The following NARS1 variants were observed in gnomAD, a reference collection of about 807,000 sequenced individuals.
NARS1 encodes the protein asparagine--tRNA ligase, cytoplasmic.
A neutral mutation model predicts 79.2 loss-of-function variants in NARS1; 65 were observed. The ratio of observed to expected loss-of-function variants is 0.82; its 90% confidence interval spans 0.67 to 1.01. The LOEUF is 1.01. Ranked by LOEUF, NARS1 falls within the 50% of genes least tolerant of loss-of-function variation. The pLI is 0.00. For synonymous variants in NARS1, 229 were observed against 238.8 expected, an observed-to-expected ratio of 0.96 and a Z score of 0.38; for missense variants, 649 against 673.8, an observed-to-expected ratio of 0.96 and a Z score of 0.41.
At position 57,601,767 on chromosome 18, in the gene NARS1, C is replaced by T; in HGVS notation, c.1532G>A (p.Cys511Tyr). 1.2e-6 allele frequency: 2 copies of T among 1,613,240 alleles called. No homozygotes were observed. Among genetic ancestry groups the T allele is most frequent in the Non-Finnish European group, 1.7e-6 (2 of 1,179,318 alleles). ...GCCCAAGCCATATCCTCCATGGGGACATGTACCGTATTTTCTCTGTTTAAA... is the reference window on the plus strand; with the variant it reads ...GCCCAAGCCATATCCTCCATGGGGATATGTACCGTATTTTCTCTGTTTAAA... ...WYTDQRKYGTCPHGGYGLGLE... is the reference protein window; with the variant it reads ...WYTDQRKYGTYPHGGYGLGLE... The change falls in exon 14 of 14, where the codon TGT becomes TAT. Residue 511 changes from cysteine (C) to tyrosine (Y), a missense_variant. Coordinates refer to ENST00000256854, the MANE Select transcript of NARS1 (RefSeq NM_004539.4).
At chr18:57,608,620 A>G (rs558520361) in intron 7 of NARS1, among the ~76,000 whole-genome samples, 6 of 152,302 alleles carry the variant, frequency 3.9e-5, no homozygotes, top group African/African-American at 1.4e-4. Context: ...TAAGGCTGGA[A>G]ATCATTGTAT....
chr18:57,608,378 G>T (rs1211766868), intron 7 of NARS1, among the ~76,000 whole-genome samples: 22 of 145,498 alleles, frequency 1.5e-4, no homozygotes, highest in African/African-American at 5.4e-4. Flanking sequence ...CAGAGGTTGT[G>T]GTGAGTGGAG....
Position 57,607,137 on chromosome 18 carries a change from G to C in NARS1, c.998C>G (p.Ala333Gly), listed in dbSNP as rs2051564763. 6.2e-7 allele frequency: 1 copy of C among 1,611,682 alleles called. No homozygotes were observed. The highest frequency in any genetic ancestry group is 8.5e-7 in the Non-Finnish European group (1 of 1,178,568). ...AEQSRTRRHL[A>G]EYTHVEAECP... The stretch of plus-strand genomic sequence containing the variant: ...AAACAAAAAGACAACTTCATACTCA[G>C]CCAGGTGCCTTCGTGTTCTGGACTG... The change falls in exon 9 of 14, where the codon GCT (alanine) becomes GGT (glycine). Residue 333 changes from alanine to glycine, a missense_variant. By Grantham distance (60) the Ala-to-Gly change is moderately conservative. Transcript: ENST00000256854.
chr18:57,604,118 G>A (rs1328605067), intron 11 of NARS1, among the ~76,000 whole-genome samples: 1 of 152,242 alleles, frequency 6.6e-6, no homozygotes, highest in Non-Finnish European at 1.5e-5. Context: ...AAGAAAAGAG[G>A]TGGGAGCTAA....
At position 57,612,334 on chromosome 18, in the gene NARS1, T is replaced by C. The variant is rs930325820; in HGVS notation, c.422-627A>G. On this transcript the variant is annotated intron_variant, in intron 5 of 13. Coordinates refer to ENST00000256854, the MANE Select transcript of NARS1 (RefSeq NM_004539.4). ...TGGGGTAGTACTGTGCACTCGGTGA[T>C]ACATAAATGTTCTTGAACAAAATCA... Among the ~76,000 whole-genome samples, 5 of 152,360 alleles carry C rather than the reference T, an allele frequency of 3.3e-5. No individual in the cohort carries two copies. In the South Asian group the frequency reaches 8.3e-4, roughly 25 times the overall value.
intron 5 of NARS1, among the ~76,000 whole-genome samples, chr18:57,613,071 C>A (rs2051617645): frequency 6.6e-6 from 1 of 152,002 alleles, no homozygotes. Flanking sequence ...TAAACAAGAA[C>A]AAATTTAAGA....
In NARS1 at chr18:57,601,493, G is replaced by T; in HGVS notation, c.*159C>A. Reference sequence around the variant, plus strand: ...TAAGATGACAACCTTAATATCACTTGATGTTCAGGTGATTTGAGATAGTTT... The same window carrying T: ...TAAGATGACAACCTTAATATCACTTTATGTTCAGGTGATTTGAGATAGTTT... On this transcript the variant is annotated 3_prime_UTR_variant, in exon 14 of 14. Coordinates refer to ENST00000256854, the MANE Select transcript of NARS1 (RefSeq NM_004539.4). The T allele has an allele frequency of 1.5e-6, 1 of 668,134 alleles. No homozygotes were observed. Among genetic ancestry groups the T allele is most frequent in the Non-Finnish European group, 2.3e-6 (1 of 436,234 alleles). 41.4% of individuals were successfully genotyped at this position (668,134 alleles called of 1,614,324 possible). A position where few individuals can be genotyped will look rare whatever the true frequency, so the allele number is the denominator to read the frequency against.
At chr18:57,605,254 C>A (rs1240050329) in intron 11 of NARS1, among the ~76,000 whole-genome samples, 1 of 151,580 alleles carries the variant, frequency 6.6e-6, no homozygotes, top group Non-Finnish European at 1.5e-5. Flanking sequence ...TAAGCTGTGG[C>A]CAAGGAAGAA....
chr18:57,605,434 C>T (rs1289101544), intron 11 of NARS1, among the ~76,000 whole-genome samples: 1 of 151,388 alleles, frequency 6.6e-6, no homozygotes, highest in African/African-American at 2.4e-5. Context: ...TGGTGAAACC[C>T]TGTCTCTACT....
intron 13 of NARS1, 135 bp downstream of exon 13, chr18:57,602,220 T>C: frequency 1.2e-6 from 1 of 811,292 alleles, no homozygotes; most frequent in Non-Finnish European, 1.9e-6. Flanking sequence ...ACACACCACA[T>C]TATAACCTGC....
At chr18:57,611,794 A>C in intron 5 of NARS1, 87 bp from the exon 6 acceptor site, 57 of 650,844 alleles carry the variant, frequency 8.8e-5, no homozygotes, top group Non-Finnish European at 1.2e-4. Context: ...ATAGGGTCTC[A>C]CTTCGTCACC....
chr18:57,621,764 G>C lies in NARS1; in HGVS notation c.-47C>G. 3.7e-6 allele frequency: 6 copies of C among 1,613,594 alleles called. No homozygotes were observed. Among genetic ancestry groups the C allele is most frequent in the Non-Finnish European group, 5.1e-6 (6 of 1,179,946 alleles). The stretch of plus-strand genomic sequence containing the variant: ...CTCCAAGGACACAGACTGCAACACC[G>C]ACGCCGTCTTATGACTCCAACGTGC... On this transcript the variant is annotated 5_prime_UTR_variant, in exon 1 of 14. Transcript: ENST00000256854.
At chr18:57,608,109 G>A (rs1453481217) in intron 7 of NARS1, among the ~76,000 whole-genome samples, 3 of 151,332 alleles carry the variant, frequency 2.0e-5, no homozygotes, top group Non-Finnish European at 2.9e-5. Flanking sequence ...CTCGTGATCC[G>A]CCCGCCTCGG....
chr18:57,620,745 G>C (rs1332693977), intron 1 of NARS1, 94 bp from the exon 2 acceptor site: 1 of 662,408 alleles, frequency 1.5e-6, no homozygotes, highest in East Asian at 2.8e-5. Flanking sequence ...AACAGAACAA[G>C]CATCGATTAA....
intron 1 of NARS1, 135 bp downstream of exon 1, chr18:57,621,573 C>CCCCCCCG: frequency 1.9e-6 from 1 of 528,470 alleles, no homozygotes; most frequent in Non-Finnish European, 3.6e-6. Context: ...TCCCTCCCTC[C>CCCCCCCG]CTCCCTGCAA....
rs1435166830 is a variant in NARS1 at position 57,607,487 on chromosome 18, G to A, written c.758C>T (p.Thr253Ile). 2 of 1,614,166 alleles carry A rather than the reference G, an allele frequency of 1.2e-6. No homozygotes were observed. Among genetic ancestry groups the A allele is most frequent in the South Asian group, 2.2e-5 (2 of 91,084 alleles). Residue 253 changes from threonine (T) to isoleucine (I), a missense_variant, in exon 8 of 14, where the codon ACC becomes ATC. By Grantham distance (89) the Thr-to-Ile change is moderately conservative. Coordinates refer to ENST00000256854, the MANE Select transcript of NARS1 (RefSeq NM_004539.4). ...AAAGAAGTGATCTCTAAAGCACCTG[G>A]TGACCATGGATCGTGCTTTTAGGAT... ...SKILKARSMV[T>I]RCFRDHFFDR...
In NARS1 at chr18:57,621,730, C is replaced by T. The variant is rs750463746; in HGVS notation, c.-13G>A. 11 of 1,613,906 alleles carry T rather than the reference C, an allele frequency of 6.8e-6. No homozygotes were observed. In the East Asian group the frequency reaches 1.8e-4, roughly 26 times the overall value. ...CACCTAGCACCATGCCTGCAGTGGCCCTGGTCACCTCCAAGGACACAGACT... is the reference window on the plus strand; with the variant it reads ...CACCTAGCACCATGCCTGCAGTGGCTCTGGTCACCTCCAAGGACACAGACT... On this transcript the variant is annotated 5_prime_UTR_variant, in exon 1 of 14. Transcript: ENST00000256854.
chr18:57,609,376 A>C lies in NARS1; in HGVS notation c.560T>G (p.Leu187Arg). 6.2e-7 allele frequency: 1 copy of C among 1,613,914 alleles called. No individual in the cohort carries two copies. The highest frequency in any genetic ancestry group is 2.2e-5 in the East Asian group (1 of 44,860). ...ACTCACCTGCTTGCCCTTTGGGGTAAGATTTAGCATTCCATACACTGCAAC... is the reference window on the plus strand; with the variant it reads ...ACTCACCTGCTTGCCCTTTGGGGTACGATTTAGCATTCCATACACTGCAAC... ...SSVAVYGMLN[L>R]TPKGKQAPGG... is the part of the protein sequence containing the mutation. The change falls in exon 7 of 14, where the codon CTT becomes CGT. Residue 187 changes from leucine (L) to arginine (R), a missense_variant. Coordinates refer to ENST00000256854, the MANE Select transcript of NARS1 (RefSeq NM_004539.4).
At chr18:57,621,573 C>G in intron 1 of NARS1, 135 bp downstream of exon 1, 1 of 528,476 alleles carries the variant, frequency 1.9e-6, no homozygotes, top group Non-Finnish European at 3.6e-6. Flanking sequence ...TCCCTCCCTC[C>G]CTCCCTGCAA....
Sources: gnomAD v4.1 joint callset for allele counts (sites outside exome capture counted in the v4.1 genomes callset) on GRCh38, gnomAD v4.1.1 for gene constraint, MANE v1.5 for transcripts, NCBI Gene and HGNC (gene_info 2026-07-23, HGNC 2026-07-21) for gene names.